Variants in ZNF560 observed in about 807,000 individuals in gnomAD.
ZNF560 encodes the protein zinc finger protein 560.
In ZNF560, 54 loss-of-function variants were observed where a neutral mutation model predicts 81.8. The ratio of observed to expected loss-of-function variants is 0.66; its 90% CI spans 0.53 to 0.83. The LOEUF is 0.83. Ranked by LOEUF, ZNF560 falls within the 40% of genes least tolerant of loss-of-function variation. The pLI, the probability that ZNF560 is intolerant of heterozygous loss-of-function variation, is 0.00. For missense variants in ZNF560, 940 were observed against 932.4 expected (o/e 1.01, Z -0.11); for synonymous variants, 321 against 317.9 (o/e 1.01, Z -0.10).
At position 9,467,783 on chromosome 19, in the gene ZNF560, C is replaced by T. The variant is rs16980696; in HGVS notation, c.1164G>A (p.Pro388=). The change falls in exon 10 of 10, where the codon CCG becomes CCA. Residue 388 remains proline, a synonymous_variant. Coordinates refer to ENST00000301480, the MANE Select transcript of ZNF560 (RefSeq NM_152476.3). ...TTCGTACATGTTCAAGAAAGCCTGA[C>T]GGCACAGTGAAGGTTTTGCCACAGT... ...CKHCGKTFTV[P]SGFLEHVRTH... The T allele has an allele frequency of 0.022, 34,999 of 1,614,082 alleles. 942 individuals are homozygous for T. Among genetic ancestry groups the T allele is most frequent in the African/African-American group, 0.13 (10,022 of 75,000 alleles).
chr19:9,468,782 T>C (rs1008385674), intron 9 of ZNF560, among the ~76,000 whole-genome samples: 2 of 151,048 alleles, frequency 1.3e-5, no homozygotes, highest in African/African-American at 4.9e-5. Flanking sequence ...GGCTGTAGTG[T>C]GCAGTGGCAC....
At chr19:9,462,287 C>A (rs2072944444), downstream of ZNF560, among the ~76,000 whole-genome samples, 1 of 152,248 alleles carries the variant, frequency 6.6e-6, no homozygotes. Flanking sequence ...GGGCGGAAAA[C>A]TGCTCAAGGT....
chr19:9,455,903 T>C, the ZNF560 span, among the ~76,000 whole-genome samples: 2 of 151,508 alleles, frequency 1.3e-5, no homozygotes, highest in African/African-American at 4.9e-5. Flanking sequence ...GCAGGAAACA[T>C]GGGCATACGA....
At chr19:9,504,384 G>A in the ZNF560 span, among the ~76,000 whole-genome samples, 130 of 152,108 alleles carry the variant, frequency 8.5e-4, no homozygotes, top group Non-Finnish European at 1.4e-3. Flanking sequence ...GCAGTAAGCC[G>A]AAATTGCACC....
intron 3 of ZNF560, 149 bp from the exon 4 acceptor site, chr19:9,474,474 G>T: frequency 3.5e-6 from 3 of 847,502 alleles, no homozygotes; most frequent in Non-Finnish European, 5.4e-6. Flanking sequence ...TAAATCTCAG[G>T]TATTCCTCTC....
Position 9,466,595 on chromosome 19 carries a change from A to G in ZNF560, c.2352T>C (p.Ile784=), listed in dbSNP as rs1447529992. The G allele has an allele frequency of 1.2e-6, 2 of 1,604,066 alleles. No individual in the cohort carries two copies. Among genetic ancestry groups the G allele is most frequent in the Non-Finnish European group, 8.5e-7 (1 of 1,174,092 alleles). ...CTCTCTAGTGTGTTTTCAAATGTGCAATACGAGCTGAGAAAGAAGCAAAGG... is the reference window on the plus strand; with the variant it reads ...CTCTCTAGTGTGTTTTCAAATGTGCGATACGAGCTGAGAAAGAAGCAAAGG... ...GKAFASFSAR[I]AHLKTH The change falls in exon 10 of 10, where the codon ATT becomes ATC. Residue 784 remains isoleucine, a synonymous_variant. Coordinates refer to ENST00000301480, the MANE Select transcript of ZNF560 (RefSeq NM_152476.3).
the ZNF560 span, among the ~76,000 whole-genome samples, chr19:9,450,617 G>A: frequency 3.3e-5 from 5 of 151,900 alleles, no homozygotes; most frequent in Non-Finnish European, 5.9e-5. Flanking sequence ...GCAGTGGCAC[G>A]ATCTCGGCTC....
chr19:9,458,429 C>T, the ZNF560 span, among the ~76,000 whole-genome samples: 1 of 152,232 alleles, frequency 6.6e-6, no homozygotes, highest in African/African-American at 2.4e-5. Flanking sequence ...TATACTTCAG[C>T]TCAAAAAGCG....
chr19:9,481,535 C>G (rs1020193542), intron 2 of ZNF560, among the ~76,000 whole-genome samples: 1 of 152,040 alleles, frequency 6.6e-6, no homozygotes, highest in African/African-American at 2.4e-5. Context: ...TGACAAAGGG[C>G]TAATATCCAG....
At chr19:9,464,683 A>C (rs1197815512), downstream of ZNF560, among the ~76,000 whole-genome samples, 1 of 152,244 alleles carries the variant, frequency 6.6e-6, no homozygotes, top group Non-Finnish European at 1.5e-5. Context: ...TACACTGTTA[A>C]AACAGGATTG....
At chr19:9,471,252 T>G in intron 6 of ZNF560, 44 bp downstream of exon 6, 1 of 1,418,796 alleles carries the variant, frequency 7.0e-7, no homozygotes, top group Non-Finnish European at 9.7e-7. Context: ...AGTCCCAATA[T>G]TCTCTGAGTG....
chr19:9,501,249 A>C (rs977279592), upstream of ZNF560, among the ~76,000 whole-genome samples: 8 of 136,000 alleles, frequency 5.9e-5, no homozygotes, highest in Non-Finnish European at 1.2e-4. Flanking sequence ...AGTCTTGACC[A>C]CCACAGGCTC....
chr19:9,480,227 AAACAAC>A (rs201069248), intron 2 of ZNF560, among the ~76,000 whole-genome samples: 1 of 152,152 alleles, frequency 6.6e-6, no homozygotes, highest in Non-Finnish European at 1.5e-5. Flanking sequence ...TTAGGTCACA[AAACAAC>A]AACAACAACA....
chr19:9,475,164 G>A (rs2073181161), intron 3 of ZNF560, 120 bp downstream of exon 3: 1 of 1,022,062 alleles, frequency 9.8e-7, no homozygotes, highest in African/African-American at 1.6e-5. Context: ...AAGTGACTCA[G>A]TGCTTGAGTG....
At chr19:9,487,727 G>A (rs1363900573) in intron 2 of ZNF560, among the ~76,000 whole-genome samples, 1 of 152,176 alleles carries the variant, frequency 6.6e-6, no homozygotes, top group Non-Finnish European at 1.5e-5. Context: ...ACTAGGTCAT[G>A]GTCAGGGGAG....
At chr19:9,452,999 C>T in the ZNF560 span, among the ~76,000 whole-genome samples, 45 of 152,262 alleles carry the variant, frequency 3.0e-4, no homozygotes, top group East Asian at 5.2e-3. Flanking sequence ...CACTCTTCCC[C>T]GCACAATGTT....
chr19:9,487,876 A>G (rs1568463793), intron 2 of ZNF560, among the ~76,000 whole-genome samples: 2 of 152,204 alleles, frequency 1.3e-5, no homozygotes, highest in South Asian at 4.1e-4. Context: ...CAATGTATTC[A>G]GGGAAGAATG....
rs2073017734 is a variant in ZNF560, at chr19:9,466,474, T to C, written c.*100A>G. The C allele has an allele frequency of 5.5e-6, 6 of 1,098,828 alleles. No individual in the cohort carries two copies. The highest frequency in any genetic ancestry group is 1.6e-5 in the South Asian group (1 of 63,042). 68.1% of individuals were successfully genotyped at this position (1,098,828 alleles called of 1,614,324 possible). A position where few individuals can be genotyped will look rare whatever the true frequency, so the allele number is the denominator to read the frequency against. ...TTCAGGCTTTCTCACATTCCTTACA[T>C]TGATAGTGTTACTTTCTCCTGTGAA... On this transcript the variant is annotated 3_prime_UTR_variant, in exon 10 of 10. Coordinates refer to ENST00000301480, the MANE Select transcript of ZNF560 (RefSeq NM_152476.3).
intron 2 of ZNF560, among the ~76,000 whole-genome samples, chr19:9,477,999 C>T (rs1010646027): frequency 6.6e-6 from 1 of 152,118 alleles, no homozygotes. Flanking sequence ...AACAACATTT[C>T]CACACTGAGG....
Sources: gnomAD v4.1 joint callset for allele counts (sites outside exome capture counted in the v4.1 genomes callset) on GRCh38, gnomAD v4.1.1 for gene constraint, MANE v1.5 for transcripts, NCBI Gene and HGNC (gene_info 2026-07-23, HGNC 2026-07-21) for gene names.